The following KDM7A variants were observed in gnomAD, a reference collection of about 807,000 sequenced individuals.
KDM7A encodes lysine-specific demethylase 7A.
A neutral mutation model predicts 114.8 loss-of-function variants in KDM7A; 28 were observed. The observed-to-expected ratio is 0.24, with a 90% CI of 0.18 to 0.33. KDM7A has a LOEUF of 0.33. Among genes scored for constraint, KDM7A ranks in the 10% least tolerant of loss-of-function variants. KDM7A has a pLI of 1.00. For synonymous variants in KDM7A, 423 were observed against 397.8 expected, an observed-to-expected ratio of 1.06 and a Z score of -0.75; for missense variants, 942 against 1,142.5, an observed-to-expected ratio of 0.82 and a Z score of 2.53.
intron 1 of KDM7A, among the ~76,000 whole-genome samples, chr7:140,173,028 A>T (rs1794663985): frequency 6.6e-6 from 1 of 152,226 alleles, no homozygotes; most frequent in Admixed American, 6.5e-5. Flanking sequence ...AACAGGAAGA[A>T]AACAGAAACT....
At chr7:140,135,293 TC>T (rs1465250032) in intron 2 of KDM7A, among the ~76,000 whole-genome samples, 2 of 149,316 alleles carry the variant, frequency 1.3e-5, no homozygotes, top group Non-Finnish European at 3.0e-5. Context: ...AACCTCCGCC[TC>T]CCAGGTTCCA....
rs1818578241 is a variant in KDM7A at position 140,119,096 on chromosome 7, T to C, written c.1246+17A>G. On this transcript the variant is annotated intron_variant, in intron 9 of 19. Transcript: ENST00000397560. ...ATATGCATCATATCATATACAAACA[T>C]GCAAATTATTAATTACCTTTCAGGG... is the stretch of plus-strand genomic sequence containing the variant. 2 of 1,456,636 alleles carry C rather than the reference T, an allele frequency of 1.4e-6. No homozygotes were observed. Among genetic ancestry groups the C allele is most frequent in the East Asian group, 2.3e-5 (1 of 44,070 alleles). The allele number at this position is 1,456,636 out of a possible 1,614,324, so 90.2% of individuals were successfully genotyped here.
chr7:140,175,429 TCA>T (rs1292485962), intron 1 of KDM7A, among the ~76,000 whole-genome samples: 2 of 152,180 alleles, frequency 1.3e-5, no homozygotes, highest in African/African-American at 2.4e-5. Context: ...CTTCCTACAA[TCA>T]CAGTCACCAT....
At chr7:140,149,253 C>A (rs1026838645) in intron 1 of KDM7A, among the ~76,000 whole-genome samples, 2 of 152,236 alleles carry the variant, frequency 1.3e-5, no homozygotes, top group Non-Finnish European at 2.9e-5. Flanking sequence ...CTAATTAAAT[C>A]TGTCCCACAA....
At chr7:140,161,797 G>A (rs1794522646) in intron 1 of KDM7A, among the ~76,000 whole-genome samples, 1 of 151,862 alleles carries the variant, frequency 6.6e-6, no homozygotes, top group Non-Finnish European at 1.5e-5. Flanking sequence ...GCCCGCCTCG[G>A]CCTCCCAAAG....
intron 6 of KDM7A, among the ~76,000 whole-genome samples, chr7:140,125,116 G>A (rs1050265530): frequency 1.3e-5 from 2 of 152,148 alleles, no homozygotes; most frequent in African/African-American, 4.8e-5. Context: ...CAGGCCCACA[G>A]TCATCTCTGC....
chr7:140,170,381 T>C (rs1014338826), intron 1 of KDM7A, among the ~76,000 whole-genome samples: 3 of 152,236 alleles, frequency 2.0e-5, no homozygotes, highest in Non-Finnish European at 2.9e-5. Flanking sequence ...TATGCACCCC[T>C]GAGATAGAGA....
intron 1 of KDM7A, among the ~76,000 whole-genome samples, chr7:140,158,889 G>A (rs567605862): frequency 6.6e-6 from 1 of 152,082 alleles, no homozygotes; most frequent in South Asian, 2.1e-4. Flanking sequence ...GAGAAAATGG[G>A]ACCTCTCATT....
chr7:140,175,587 T>C (rs945269001), intron 1 of KDM7A, among the ~76,000 whole-genome samples: 1 of 152,194 alleles, frequency 6.6e-6, no homozygotes, highest in Non-Finnish European at 1.5e-5. Context: ...AGTTTCTTTG[T>C]TTAAATGCCT....
chr7:140,147,863 T>C (rs1794355646), intron 1 of KDM7A, among the ~76,000 whole-genome samples: 1 of 152,220 alleles, frequency 6.6e-6, no homozygotes, highest in South Asian at 2.1e-4. Context: ...TTAGAAAGAC[T>C]TGATTTGATT....
At chr7:140,097,991 T>G (rs1208170812) in intron 14 of KDM7A, among the ~76,000 whole-genome samples, 1 of 152,256 alleles carries the variant, frequency 6.6e-6, no homozygotes, top group Non-Finnish European at 1.5e-5. Flanking sequence ...TTGCATTAGT[T>G]GTATCATTAG....
At chr7:140,174,804 T>C (rs1366968920) in intron 1 of KDM7A, among the ~76,000 whole-genome samples, 1 of 152,158 alleles carries the variant, frequency 6.6e-6, no homozygotes. Context: ...TTTCACCATG[T>C]TGGGGTTTCA....
intron 7 of KDM7A, among the ~76,000 whole-genome samples, chr7:140,121,961 A>C (rs1467963267): frequency 1.3e-5 from 2 of 152,212 alleles, no homozygotes; most frequent in African/African-American, 2.4e-5. Flanking sequence ...GGTTCTCCAA[A>C]TATGGTCCCC....
intron 19 of KDM7A, 144 bp from the exon 20 acceptor site, chr7:140,091,332 T>C (rs1818016372): frequency 4.6e-6 from 3 of 657,732 alleles, no homozygotes; most frequent in Admixed American, 2.5e-5. Context: ...GAACTTCCGC[T>C]GTTTAAAACC....
chr7:140,161,220 G>C (rs560767174), intron 1 of KDM7A, among the ~76,000 whole-genome samples: 2 of 152,222 alleles, frequency 1.3e-5, no homozygotes, highest in African/African-American at 4.8e-5. Context: ...TGACAAGTGA[G>C]GCACTCTGGC....
Position 140,088,782 on chromosome 7 carries a change from G to A in KDM7A, c.*2312C>T, listed in dbSNP as rs543638025. 11 of 344,146 alleles carry A rather than the reference G, an allele frequency of 3.2e-5. No individual in the cohort carries two copies. The highest frequency in any genetic ancestry group is 3.1e-5 in the Non-Finnish European group (6 of 192,648). 21.3% of individuals were successfully genotyped at this position (344,146 alleles called of 1,614,324 possible). ...ACCTTCACTTTAGAATTCCACACAC[G>A]GGCTACTCCAAATTAGTACTTCTCA... On this transcript the variant is annotated 3_prime_UTR_variant, in exon 20 of 20. Coordinates refer to ENST00000397560, the MANE Select transcript of KDM7A (RefSeq NM_030647.2).
chr7:140,102,074 G>A lies in KDM7A; in HGVS notation c.1515C>T (p.Tyr505=). The change falls in exon 12 of 20, where the codon TAC becomes TAT. Residue 505 remains tyrosine, a synonymous_variant. Transcript: ENST00000397560. Reference sequence around the variant, plus strand: ...GTTTCCTCATCTTTCTTCGGGAATGGTATGGGGAAGTTGCTTCATTTGAGG... The same window carrying A: ...GTTTCCTCATCTTTCTTCGGGAATGATATGGGGAAGTTGCTTCATTTGAGG... ...SRSSNEATSP[Y]HSRRKMRKLR... is the part of the protein sequence containing the mutation. 6.2e-7 allele frequency: 1 copy of A among 1,613,526 alleles called. No individual in the cohort carries two copies. Among genetic ancestry groups the A allele is most frequent in the African/African-American group, 1.3e-5 (1 of 75,026 alleles).
At chr7:140,115,684 A>G (rs1415554423) in intron 9 of KDM7A, among the ~76,000 whole-genome samples, 2 of 151,904 alleles carry the variant, frequency 1.3e-5, no homozygotes, top group Non-Finnish European at 2.9e-5. Context: ...TCTGCCTAGG[A>G]AAACCAGAGA....
chr7:140,150,087 C>G (rs1418174477), intron 1 of KDM7A, among the ~76,000 whole-genome samples: 3 of 152,126 alleles, frequency 2.0e-5, no homozygotes, highest in Non-Finnish European at 4.4e-5. Flanking sequence ...TCCCACCTCC[C>G]TTAACACTAA....
Sources: gnomAD v4.1 joint callset for allele counts (sites outside exome capture counted in the v4.1 genomes callset) on GRCh38, gnomAD v4.1.1 for gene constraint, MANE v1.5 for transcripts, NCBI Gene and HGNC (gene_info 2026-07-23, HGNC 2026-07-21) for gene names.